Variants in ITPKC observed in about 807,000 individuals in gnomAD.
ITPKC encodes IP3 3-kinase C.
In ITPKC, 33 loss-of-function variants were observed where a neutral mutation model predicts 67.1. The ratio of observed to expected loss-of-function variants is 0.49; its 90% CI spans 0.37 to 0.66. The LOEUF (loss-of-function observed/expected upper bound fraction) is 0.66, where lower values mean the gene tolerates loss of function less well. Ranked by LOEUF, ITPKC falls within the 30% of genes least tolerant of loss-of-function variation. The pLI, the probability that ITPKC is intolerant of heterozygous loss-of-function variation, is 0.00. For missense variants in ITPKC, 820 were observed against 892.1 expected (o/e 0.92, Z 1.03); for synonymous variants, 341 against 359.8 (o/e 0.95, Z 0.59).
At position 40,718,161 on chromosome 19, in the gene ITPKC, G is replaced by A; in HGVS notation, c.1026G>A (p.Gln342=). Residue 342 remains glutamine, a synonymous_variant, in exon 1 of 7, where the codon CAG becomes CAA. Transcript: ENST00000263370. ...CTGAGACCCCTGAGCCTGAGGCCCAGCCAGTGGGACCCCCCTCCCGGGTTG... is the reference window on the plus strand; with the variant it reads ...CTGAGACCCCTGAGCCTGAGGCCCAACCAGTGGGACCCCCCTCCCGGGTTG... ...ITPETPEPEA[Q]PVGPPSRVEG... is the part of the protein sequence containing the mutation. The A allele has an allele frequency of 6.3e-7, 1 of 1,596,476 alleles. No homozygotes were observed. The highest frequency in any genetic ancestry group is 8.5e-7 in the Non-Finnish European group (1 of 1,171,634).
At chr19:40,739,280 C>T (rs1467132236) in intron 6 of ITPKC, 77 bp from the exon 7 acceptor site, 14 of 1,075,806 alleles carry the variant, frequency 1.3e-5, no homozygotes, top group Non-Finnish European at 1.8e-5. Flanking sequence ...TGTCAATCAC[C>T]CTGCTCTGCT....
chr19:40,726,020 C>T (rs2082245055), intron 2 of ITPKC, among the ~76,000 whole-genome samples: 1 of 151,984 alleles, frequency 6.6e-6, no homozygotes, highest in African/African-American at 2.4e-5. Context: ...GTGGGTGGAT[C>T]CCCTGAGGTC....
At chr19:40,721,463 C>T (rs1024104161) in intron 1 of ITPKC, among the ~76,000 whole-genome samples, 6 of 151,664 alleles carry the variant, frequency 4.0e-5, no homozygotes, top group Admixed American at 1.3e-4. Flanking sequence ...CTCAGCCTCC[C>T]GGGTTCAAGT....
At chr19:40,736,045 A>G (rs543467708) in intron 4 of ITPKC, among the ~76,000 whole-genome samples, 1 of 152,304 alleles carries the variant, frequency 6.6e-6, no homozygotes, top group East Asian at 1.9e-4. Context: ...TAATCCTAGC[A>G]CTTTGGGAGG....
At chr19:40,736,926 G>A (rs2082297062) in intron 4 of ITPKC, 60 bp from the exon 5 acceptor site, 7 of 1,163,894 alleles carry the variant, frequency 6.0e-6, no homozygotes, top group Non-Finnish European at 8.8e-6. Context: ...TGAGGTTGCT[G>A]GGTATTGGGT....
At chr19:40,724,222 C>CTTT (rs1333542471) in intron 1 of ITPKC, among the ~76,000 whole-genome samples, 1 of 152,064 alleles carries the variant, frequency 6.6e-6, no homozygotes, top group Non-Finnish European at 1.5e-5. Flanking sequence ...GCCTGGGCAA[C>CTTT]ATAGCAAGAT....
intron 6 of ITPKC, among the ~76,000 whole-genome samples, chr19:40,738,486 A>AG (rs1158230343): frequency 1.3e-5 from 2 of 152,138 alleles, no homozygotes; most frequent in East Asian, 3.9e-4. Context: ...CAGTAGGCAG[A>AG]GGTTGCAGTG....
chr19:40,736,853 T>G, intron 4 of ITPKC, 133 bp from the exon 5 acceptor site: 1 of 534,458 alleles, frequency 1.9e-6, no homozygotes, highest in Non-Finnish European at 3.4e-6. Context: ...TAAATAGAGA[T>G]GGGGTCTTGC....
chr19:40,739,626 T>C lies in ITPKC; in HGVS notation c.*66T>C, dbSNP rs1234496081. ...TGGCTGGAGGAGCCCTGAGATGCCA[T>C]GGGAGGCCTGAGGTTGGCCACGGGG... On this transcript the variant is annotated 3_prime_UTR_variant, in exon 7 of 7. Coordinates refer to ENST00000263370, the MANE Select transcript of ITPKC (RefSeq NM_025194.3). 9 of 1,463,318 alleles carry C rather than the reference T, an allele frequency of 6.2e-6. No homozygotes were observed. Among genetic ancestry groups the C allele is most frequent in the Non-Finnish European group, 8.4e-6 (9 of 1,073,968 alleles). 90.6% of individuals were successfully genotyped at this position (1,463,318 alleles called of 1,614,324 possible). A position where few individuals can be genotyped will look rare whatever the true frequency, so the allele number is the denominator to read the frequency against.
At chr19:40,728,841 A>T (rs1317164396) in intron 2 of ITPKC, among the ~76,000 whole-genome samples, 1 of 152,106 alleles carries the variant, frequency 6.6e-6, no homozygotes, top group Non-Finnish European at 1.5e-5. Flanking sequence ...CAGCCTGACC[A>T]ACAAGGTGAA....
chr19:40,718,318 C>G, intron 1 of ITPKC, 28 bp downstream of exon 1: 1 of 1,492,934 alleles, frequency 6.7e-7, no homozygotes. Context: ...TGCCCTTGAG[C>G]CACATCACGC....
Position 40,725,418 on chromosome 19 carries a change from G to A in ITPKC, c.1234G>A (p.Val412Ile). 1.2e-6 allele frequency: 2 copies of A among 1,611,998 alleles called. No homozygotes were observed. The highest frequency in any genetic ancestry group is 1.7e-6 in the Non-Finnish European group (2 of 1,178,000). ...CTCCTTCCGAAAACACTACCCTTGG[G>A]TCCAGCTTTCTGGACATGCTGGTAA... ...VVSFRKHYPW[V>I]QLSGHAGNFQ... The change falls in exon 2 of 7, where the codon GTC becomes ATC. Residue 412 changes from valine to isoleucine, a missense_variant. Around this residue, in one of 2 missense-constraint regions of ITPKC, gnomAD observed 339 missense variants for 422.0 expected, o/e 0.80. Coordinates refer to ENST00000263370, the MANE Select transcript of ITPKC (RefSeq NM_025194.3).
Position 40,725,449 on chromosome 19 carries a change from G to A in ITPKC, c.1255+10G>A, listed in dbSNP as rs754640200. The stretch of plus-strand genomic sequence containing the variant: ...CTTTCTGGACATGCTGGTAAGTGGG[G>A]TGGTGGTGGACAGAGCTGGGCAGAG... On this transcript the variant is annotated intron_variant, in intron 2 of 6. Transcript: ENST00000263370. 3.8e-6 allele frequency: 6 copies of A among 1,573,534 alleles called. 1 individual carries two copies. In the South Asian group the frequency reaches 4.4e-5, roughly 12 times the overall value.
chr19:40,737,674 C>CA, intron 5 of ITPKC, 24 bp from the exon 6 acceptor site: 1 of 1,612,030 alleles, frequency 6.2e-7, no homozygotes, highest in South Asian at 1.1e-5. Flanking sequence ...CCATGCTAAC[C>CA]AAAGAACGCT....
At chr19:40,728,217 A>G (rs1044377957) in intron 2 of ITPKC, among the ~76,000 whole-genome samples, 1 of 145,876 alleles carries the variant, frequency 6.9e-6, no homozygotes, top group Admixed American at 6.9e-5. Flanking sequence ...GACATTACAC[A>G]TTTTTTTTTT....
chr19:40,730,491 G>A (rs1010803521), intron 3 of ITPKC, among the ~76,000 whole-genome samples: 7 of 152,184 alleles, frequency 4.6e-5, no homozygotes, highest in African/African-American at 1.7e-4. Context: ...AAGTGAAGGA[G>A]CATGATTATA....
chr19:40,732,148 G>A (rs367953828), intron 3 of ITPKC, among the ~76,000 whole-genome samples: 1 of 144,708 alleles, frequency 6.9e-6, no homozygotes, highest in African/African-American at 2.6e-5. Context: ...GAGGTGGGAG[G>A]ATCACTTGAA....
chr19:40,730,406 A>C, intron 3 of ITPKC, among the ~76,000 whole-genome samples: 2 of 152,254 alleles, frequency 1.3e-5, no homozygotes, highest in South Asian at 4.1e-4. Flanking sequence ...TTTGATAAAC[A>C]TATTTTTATA....
intron 3 of ITPKC, among the ~76,000 whole-genome samples, chr19:40,731,229 G>A (rs1442174523): frequency 2.0e-5 from 3 of 152,164 alleles, no homozygotes; most frequent in East Asian, 1.9e-4. Flanking sequence ...GAGCATTACC[G>A]CTTGAACTCC....
Sources: gnomAD v4.1 joint callset for allele counts (sites outside exome capture counted in the v4.1 genomes callset) on GRCh38, gnomAD v4.1.1 for gene constraint, gnomAD v4.1.1 regional missense constraint, MANE v1.5 for transcripts, NCBI Gene and HGNC (gene_info 2026-07-23, HGNC 2026-07-21) for gene names.